GUCY2C: variants seen among roughly 807,000 people sequenced by gnomAD.
The protein encoded by GUCY2C is guanylate cyclase 2C.
In GUCY2C, 118 loss-of-function variants were observed where a neutral mutation model predicts 131.1. That is an observed-to-expected ratio of 0.90 (90% CI 0.78 to 1.05). The LOEUF (loss-of-function observed/expected upper bound fraction) is 1.05. Ranked by LOEUF, GUCY2C falls within the 50% of genes least tolerant of loss-of-function variation. GUCY2C has a pLI of 0.00. For missense variants in GUCY2C, 1,161 were observed against 1,304.4 expected, an observed-to-expected ratio of 0.89 and a Z score of 1.69; for synonymous variants, 452 against 457.8, an observed-to-expected ratio of 0.99 and a Z score of 0.16.
chr12:14,642,591 T>C (rs1947432458), intron 17 of GUCY2C, among the ~76,000 whole-genome samples: 1 of 152,238 alleles, frequency 6.6e-6, no homozygotes, highest in Non-Finnish European at 1.5e-5. Flanking sequence ...GGTTAGGGGT[T>C]GTAGAAAAGG....
chr12:14,650,269 G>C (rs1947618596), intron 15 of GUCY2C, among the ~76,000 whole-genome samples: 1 of 152,016 alleles, frequency 6.6e-6, no homozygotes, highest in Non-Finnish European at 1.5e-5. Context: ...TTATTTTTGA[G>C]ACGGAGTCTC....
chr12:14,641,455 G>C (rs1947402488), intron 17 of GUCY2C, among the ~76,000 whole-genome samples: 1 of 152,160 alleles, frequency 6.6e-6, no homozygotes, highest in African/African-American at 2.4e-5. Context: ...TTTGGGTGAG[G>C]TCATATGGCA....
chr12:14,672,466 A>G (rs1337843904), intron 9 of GUCY2C, among the ~76,000 whole-genome samples: 2 of 152,192 alleles, frequency 1.3e-5, no homozygotes, highest in Non-Finnish European at 2.9e-5. Context: ...TCAAATGGAG[A>G]TAACAGGGAA....
At chr12:14,626,611 T>C (rs1947023235) in intron 20 of GUCY2C, among the ~76,000 whole-genome samples, 2 of 152,120 alleles carry the variant, frequency 1.3e-5, no homozygotes. Context: ...AGCAAACATT[T>C]GAAAATAATC....
At chr12:14,676,352 G>C (rs951230689) in intron 7 of GUCY2C, among the ~76,000 whole-genome samples, 1 of 152,060 alleles carries the variant, frequency 6.6e-6, no homozygotes, top group Non-Finnish European at 1.5e-5. Flanking sequence ...AAACTCTCCT[G>C]GGCAAATTTG....
intron 3 of GUCY2C, among the ~76,000 whole-genome samples, chr12:14,685,414 A>G (rs1392548250): frequency 2.0e-5 from 3 of 152,174 alleles, no homozygotes; most frequent in Non-Finnish European, 2.9e-5. Context: ...TCCAAAATCC[A>G]TTGCAAGTGA....
In GUCY2C at chr12:14,696,401, C is replaced by T. The variant is rs762628946; in HGVS notation, c.48G>A (p.Gln16=). The change falls in exon 1 of 27, where the codon CAG becomes CAA. Residue 16 remains glutamine, a synonymous_variant. Coordinates refer to ENST00000261170, the MANE Select transcript of GUCY2C (RefSeq NM_004963.4). The stretch of plus-strand genomic sequence containing the variant: ...GGGAACTAAAGGACAGCCACCCGGG[C>T]TGGAAGAGCAGTGACCACAAAGCCA... The part of the protein sequence containing the change: ...LDLALWSLLF[Q]PGWLSFSSQV... The T allele has an allele frequency of 2.2e-5, 36 of 1,613,994 alleles. No homozygotes were observed. The highest frequency in any genetic ancestry group is 1.6e-4 in the Middle Eastern group (1 of 6,062).
At chr12:14,692,421 T>A (rs1948591507) in intron 1 of GUCY2C, among the ~76,000 whole-genome samples, 1 of 151,560 alleles carries the variant, frequency 6.6e-6, no homozygotes, top group Non-Finnish European at 1.5e-5. Flanking sequence ...TGCTAACAGA[T>A]ATTTATTTTT....
chr12:14,619,233 A>AGAGGCTGTGTT lies in GUCY2C; in HGVS notation c.2842_2852dup (p.Arg952ThrfsTer13). 1 of 1,608,300 alleles carries AGAGGCTGTGTT rather than the reference A, an allele frequency of 6.2e-7. No individual in the cohort carries two copies. Among genetic ancestry groups the AGAGGCTGTGTT allele is most frequent in the Non-Finnish European group, 8.5e-7 (1 of 1,174,746 alleles). On this transcript the variant is annotated frameshift_variant, in exon 24 of 27. Coordinates refer to ENST00000261170, the MANE Select transcript of GUCY2C (RefSeq NM_004963.4). LOFTEE classifies it high-confidence loss of function. Reference sequence around the variant, plus strand: ...TACGGAGGCCAGTGGATTCCATCCTAGAGGCTGTGTTGACCGTATCTCCAA... The same window carrying AGAGGCTGTGTT: ...TACGGAGGCCAGTGGATTCCATCCTAGAGGCTGTGTTGAGGCTGTGTTGACCGTATCTCCAA...
intron 17 of GUCY2C, among the ~76,000 whole-genome samples, 172 bp downstream of exon 17, chr12:14,643,402 A>G (rs1368980969): frequency 6.6e-6 from 1 of 152,230 alleles, no homozygotes. Flanking sequence ...TGTTTAACTC[A>G]GGAAATACTC....
intron 24 of GUCY2C, among the ~76,000 whole-genome samples, chr12:14,618,806 A>G (rs942190435): frequency 3.9e-5 from 6 of 152,106 alleles, no homozygotes; most frequent in African/African-American, 1.4e-4. Context: ...GTCTCTAAAA[A>G]ACAACAACAA....
chr12:14,657,778 C>T (rs1406848484), intron 11 of GUCY2C, among the ~76,000 whole-genome samples: 7 of 152,144 alleles, frequency 4.6e-5, no homozygotes, highest in Admixed American at 2.6e-4. Context: ...AAATTGTTTT[C>T]CATGAAACCA....
At chr12:14,656,459 G>T in intron 12 of GUCY2C, 53 bp downstream of exon 12, 2 of 903,864 alleles carry the variant, frequency 2.2e-6, no homozygotes, top group Non-Finnish European at 3.7e-6. Flanking sequence ...CTTAAGTCTT[G>T]TCAAATACCT....
chr12:14,673,127 G>A (rs1948151940), intron 8 of GUCY2C, among the ~76,000 whole-genome samples, 169 bp from the exon 9 acceptor site: 1 of 152,120 alleles, frequency 6.6e-6, no homozygotes, highest in Non-Finnish European at 1.5e-5. Flanking sequence ...TGGCTTCTTA[G>A]CCCAGAGATC....
chr12:14,622,185 C>T lies in GUCY2C; in HGVS notation c.2421G>A (p.Lys807=). The change falls in exon 22 of 27, where the codon AAG becomes AAA. Residue 807 remains lysine (K), a synonymous_variant. Coordinates refer to ENST00000261170, the MANE Select transcript of GUCY2C (RefSeq NM_004963.4). ...NFMLLPRLVV[K]SLKEKGFVEP... ...CCACAAAGCCTTTCTCCTTCAGAGACTTTACCACTAGCCTAGATGAACGAA... is the reference window on the plus strand; with the variant it reads ...CCACAAAGCCTTTCTCCTTCAGAGATTTTACCACTAGCCTAGATGAACGAA... The T allele has an allele frequency of 1.3e-6, 2 of 1,540,968 alleles. No individual in the cohort carries two copies. The highest frequency in any genetic ancestry group is 2.2e-5 in the Admixed American group (1 of 44,558).
chr12:14,669,336 C>A (rs1948052462), intron 10 of GUCY2C, among the ~76,000 whole-genome samples: 1 of 151,424 alleles, frequency 6.6e-6, no homozygotes, highest in Non-Finnish European at 1.5e-5. Flanking sequence ...TCCCAAGTAG[C>A]TGGGAACACG....
intron 17 of GUCY2C, among the ~76,000 whole-genome samples, chr12:14,642,361 G>A (rs1023000306): frequency 3.3e-5 from 5 of 152,082 alleles, no homozygotes; most frequent in East Asian, 1.9e-4. Context: ...AACATGCTTC[G>A]TAAGTTTTTC....
At position 14,641,312 on chromosome 12, in the gene GUCY2C, C is replaced by T; in HGVS notation, c.1931-93G>A. 5 of 1,263,928 alleles carry T rather than the reference C, an allele frequency of 4.0e-6. No homozygotes were observed. In the South Asian group the frequency reaches 5.1e-5, roughly 13 times the overall value. 78.3% of individuals were successfully genotyped at this position (1,263,928 alleles called of 1,614,324 possible). A position where few individuals can be genotyped will look rare whatever the true frequency, so the allele number is the denominator to read the frequency against. ...TTTGCTCTCTAATTCCCTACACCAT[C>T]CACTCTAAATATGGGTGATAGCTTA... On this transcript the variant is annotated intron_variant, in intron 17 of 26. Transcript: ENST00000261170.
At chr12:14,647,182 T>G (rs1947539550) in intron 15 of GUCY2C, among the ~76,000 whole-genome samples, 1 of 152,360 alleles carries the variant, frequency 6.6e-6, no homozygotes, top group East Asian at 1.9e-4. Flanking sequence ...AATGGTATTC[T>G]TAGCCCATGT....
Sources: allele counts gnomAD v4.1 joint callset (sites outside exome capture counted in the v4.1 genomes callset), GRCh38; gene constraint gnomAD v4.1.1; transcripts MANE v1.5; gene names NCBI Gene and HGNC (gene_info 2026-07-23, HGNC 2026-07-21).